TGM3: variants seen among roughly 807,000 people sequenced by gnomAD.
TGM3 encodes the protein transglutaminase 3, also known as protein-glutamine gamma-glutamyltransferase E.
In TGM3, 52 loss-of-function variants were observed where a neutral mutation model predicts 73.8. The ratio of observed to expected loss-of-function variants is 0.70; its 90% CI spans 0.56 to 0.89. The LOEUF (loss-of-function observed/expected upper bound fraction) is 0.89. Ranked by LOEUF, TGM3 falls within the 40% of genes least tolerant of loss-of-function variation. The probability of loss-of-function intolerance (pLI) is 0.00; values close to 1 mark genes in which losing one functional copy is unlikely to be tolerated. For missense variants in TGM3, 928 were observed against 909.9 expected (o/e 1.02, Z -0.26); for synonymous variants, 372 against 354.9 (o/e 1.05, Z -0.54).
At chr20:2,309,222 G>A (rs1321795513) in intron 1 of TGM3, among the ~76,000 whole-genome samples, 2 of 152,184 alleles carry the variant, frequency 1.3e-5, no homozygotes, top group Non-Finnish European at 2.9e-5. Context: ...AAAGCAATGA[G>A]AAATGCTGAA....
Position 2,332,551 on chromosome 20 carries a change from G to A in TGM3, c.1642+241G>A, listed in dbSNP as rs79368040. 6.6e-6 allele frequency among the ~76,000 whole-genome samples: 1 copy of A among 152,186 alleles called. No individual in the cohort carries two copies. Among genetic ancestry groups the A allele is most frequent in the Non-Finnish European group, 1.5e-5 (1 of 68,030 alleles). ...TTTACGCCCCAAGGGAGGAAGGAGGGAGGCTTTGGCAGTTCATAGCTATGG... is the reference window on the plus strand; with the variant it reads ...TTTACGCCCCAAGGGAGGAAGGAGGAAGGCTTTGGCAGTTCATAGCTATGG... On this transcript the variant is annotated intron_variant, in intron 10 of 12. Coordinates refer to ENST00000381458, the MANE Select transcript of TGM3 (RefSeq NM_003245.4). This position sits in a 1 kb window ranked among gnomAD's most constrained non-coding sequence, Gnocchi z 4.4.
At chr20:2,297,681 A>G (rs1239564558) in intron 1 of TGM3, among the ~76,000 whole-genome samples, 1 of 152,222 alleles carries the variant, frequency 6.6e-6, no homozygotes, top group Admixed American at 6.5e-5. Flanking sequence ...AGGCGAATAC[A>G]TTCAGTCCCT....
rs45513098 is a variant in TGM3 at position 2,336,265 on chromosome 20, G to T, written c.1800+992G>T. ...AGGGTGCTGGAACCAGGGAGTATAG[G>T]TCTGAAGGGTAAAAGGCTGGACAAG... is the stretch of plus-strand genomic sequence containing the variant. On this transcript the variant is annotated intron_variant, in intron 11 of 12. Transcript: ENST00000381458. 6.8e-3 allele frequency among the ~76,000 whole-genome samples: 1,029 copies of T among 152,254 alleles called. 12 individuals are homozygous for T. Among genetic ancestry groups the T allele is most frequent in the African/African-American group, 0.024 (979 of 41,546 alleles).
chr20:2,319,159 G>A (rs553943918), intron 7 of TGM3, among the ~76,000 whole-genome samples: 63 of 152,090 alleles, frequency 4.1e-4, no homozygotes, highest in Non-Finnish European at 8.1e-4. Context: ...AAATCCCATC[G>A]CAACCAGCTC....
rs189331529 is a variant in TGM3, at chr20:2,324,329, G to T, written c.984-1520G>T. 1.4e-4 allele frequency among the ~76,000 whole-genome samples: 21 copies of T among 152,098 alleles called. 1 individual carries two copies. The East Asian group carries it at 3.7e-3, about 27-fold the overall frequency. Reference sequence around the variant, plus strand: ...CGCTCTAGTAGCTGCTTTAGTCTTTGTCTGACAATTCCAACATCTGGATTA... The same window carrying T: ...CGCTCTAGTAGCTGCTTTAGTCTTTTTCTGACAATTCCAACATCTGGATTA... On this transcript the variant is annotated intron_variant, in intron 7 of 12. Transcript: ENST00000381458.
chr20:2,312,537 G>A (rs371099719), intron 4 of TGM3, among the ~76,000 whole-genome samples: 1 of 152,272 alleles, frequency 6.6e-6, no homozygotes, highest in Admixed American at 6.5e-5. Flanking sequence ...TGGCAGCCGG[G>A]GCGTCGGCTA....
At position 2,340,504 on chromosome 20, in the gene TGM3, A is replaced by G. The variant is rs781210245; in HGVS notation, c.2005A>G (p.Lys669Glu). ...FDILPSRSGT[K>E]QLLADFSCNK... ...TATCCTGCCCTCCCGGAGTGGCACC[A>G]AGCAACTGCTCGCCGACTTCTCCTG... Residue 669 changes from lysine to glutamate, a missense_variant, in exon 13 of 13, where the codon AAG becomes GAG. Physicochemically the swap from Lys to Glu is moderately conservative, Grantham distance 56. Coordinates refer to ENST00000381458, the MANE Select transcript of TGM3 (RefSeq NM_003245.4). 20 of 1,614,130 alleles carry G rather than the reference A, an allele frequency of 1.2e-5. No homozygotes were observed. In the East Asian group the frequency reaches 4.2e-4, roughly 34 times the overall value.
At chr20:2,324,905 T>C (rs1056341247) in intron 7 of TGM3, among the ~76,000 whole-genome samples, 4 of 152,202 alleles carry the variant, frequency 2.6e-5, no homozygotes, top group African/African-American at 9.7e-5. Flanking sequence ...CAGTTTATCA[T>C]TATATGCAAA....
At chr20:2,302,914 C>G (rs1486346476) in intron 1 of TGM3, among the ~76,000 whole-genome samples, 1 of 152,144 alleles carries the variant, frequency 6.6e-6, no homozygotes, top group Non-Finnish European at 1.5e-5. Flanking sequence ...GATGCATCCT[C>G]CAACATGACC....
intron 1 of TGM3, among the ~76,000 whole-genome samples, chr20:2,298,400 C>T (rs1211821442): frequency 1.3e-5 from 2 of 152,190 alleles, no homozygotes. Context: ...CCCAAAGCCA[C>T]TTGGAAGCCC....
chr20:2,337,068 T>C (rs1040499255), intron 11 of TGM3, among the ~76,000 whole-genome samples: 3 of 152,222 alleles, frequency 2.0e-5, no homozygotes, highest in Admixed American at 6.5e-5. Context: ...GTAAACTCCA[T>C]GAGGGCAGGC....
chr20:2,332,601 C>T lies in TGM3; in HGVS notation c.1642+291C>T, dbSNP rs887961933. Among the ~76,000 whole-genome samples, 4 of 152,128 alleles carry T rather than the reference C, an allele frequency of 2.6e-5. No homozygotes were observed. The East Asian group carries it at 5.8e-4, about 22-fold the overall frequency. On this transcript the variant is annotated intron_variant, in intron 10 of 12. Transcript: ENST00000381458. The surrounding 1 kb of genome is among the most constrained non-coding windows in gnomAD (Gnocchi z 4.4). ...GCACAATATCCCTTACAAGTATATACCACCTCACACAGTTTGACCGTCTAA... is the reference window on the plus strand; with the variant it reads ...GCACAATATCCCTTACAAGTATATATCACCTCACACAGTTTGACCGTCTAA...
At chr20:2,330,045 G>T (rs1173229736) in intron 9 of TGM3, among the ~76,000 whole-genome samples, 2 of 151,988 alleles carry the variant, frequency 1.3e-5, no homozygotes, top group Non-Finnish European at 2.9e-5. Flanking sequence ...CAGGTCCGTT[G>T]TGGGGGTGGG....
At chr20:2,340,027 A>AGGGGGTGGGGGGGGGGG in intron 12 of TGM3, 40 bp downstream of exon 12, 1 of 133,152 alleles carries the variant, frequency 7.5e-6, no homozygotes, top group Non-Finnish European at 1.6e-5. Flanking sequence ...GGAGGGCGGG[A>AGGGGGTGGGGGGGGGGG]GGGGGCGGGG....
chr20:2,309,821 G>A lies in TGM3; in HGVS notation c.172G>A (p.Val58Ile), dbSNP rs148997398. Reference protein sequence around the residue: ...LGSNERLEFIVSTGPYPSESA... With the variant: ...LGSNERLEFIISTGPYPSESA... ...CTCTAACGAAAGACTGGAGTTCATT[G>A]TCTCCACAGGTACCTGCTCATTCCC... Residue 58 changes from valine (V) to isoleucine (I), a missense_variant, in exon 2 of 13, where the codon GTC (valine) becomes ATC (isoleucine). Transcript: ENST00000381458. 15 of 1,614,070 alleles carry A rather than the reference G, an allele frequency of 9.3e-6. No homozygotes were observed. The highest frequency in any genetic ancestry group is 2.7e-5 in the African/African-American group (2 of 74,922).
intron 11 of TGM3, among the ~76,000 whole-genome samples, chr20:2,338,437 T>C (rs1316919019): frequency 6.6e-6 from 1 of 152,224 alleles, no homozygotes; most frequent in African/African-American, 2.4e-5. Flanking sequence ...TATAACCCAA[T>C]AGCATAAAAT....
intron 1 of TGM3, among the ~76,000 whole-genome samples, chr20:2,307,795 A>C (rs1309780588): frequency 1.3e-5 from 2 of 152,074 alleles, no homozygotes; most frequent in African/African-American, 2.4e-5. Flanking sequence ...TTGTAGACTA[A>C]ATTTTCAGCT....
chr20:2,312,683 G>C (rs922521259), intron 4 of TGM3, among the ~76,000 whole-genome samples: 2 of 152,000 alleles, frequency 1.3e-5, no homozygotes, highest in Admixed American at 6.6e-5. Flanking sequence ...CTGCCTTTGA[G>C]GAAATACACA....
chr20:2,326,808 C>G (rs559536262), intron 8 of TGM3, among the ~76,000 whole-genome samples: 4 of 151,924 alleles, frequency 2.6e-5, no homozygotes, highest in Admixed American at 2.0e-4. Context: ...GAGATCATGC[C>G]GTGGCACTCC....
Sources: gnomAD v4.1 joint callset for allele counts (sites outside exome capture counted in the v4.1 genomes callset) on GRCh38, gnomAD v4.1.1 for gene constraint, Gnocchi (gnomAD v3.1) non-coding constraint, MANE v1.5 for transcripts, NCBI Gene and HGNC (gene_info 2026-07-23, HGNC 2026-07-21) for gene names.